The following NBAS variants were observed in gnomAD, a reference collection of about 807,000 sequenced individuals.
NBAS encodes NBAS subunit of NRZ tethering complex.
A neutral mutation model predicts 302.5 loss-of-function variants in NBAS; 219 were observed. The observed-to-expected ratio is 0.72, with a 90% CI of 0.65 to 0.81. The LOEUF is 0.81. Among genes scored for constraint, NBAS ranks in the 30% least tolerant of loss-of-function variants. The probability of loss-of-function intolerance (pLI) is 0.00; values close to 1 mark genes in which losing one functional copy is unlikely to be tolerated. For missense variants in NBAS, 2,932 were observed against 2,841.6 expected, an observed-to-expected ratio of 1.03 and a Z score of -0.72; for synonymous variants, 1,118 against 1,021.6, an observed-to-expected ratio of 1.09 and a Z score of -1.80.
At chr2:14,790,648 C>CT in the NBAS span, among the ~76,000 whole-genome samples, 15 of 137,086 alleles carry the variant, frequency 1.1e-4, no homozygotes, top group African/African-American at 4.6e-4. Flanking sequence ...AGAATTCATG[C>CT]CTTTTTTTTT....
At chr2:14,806,109 G>A in the NBAS span, among the ~76,000 whole-genome samples, 1 of 152,200 alleles carries the variant, frequency 6.6e-6, no homozygotes, top group Non-Finnish European at 1.5e-5. Flanking sequence ...AAACACATAT[G>A]GGTTTCCCCT....
the NBAS span, among the ~76,000 whole-genome samples, chr2:15,087,178 C>T: frequency 1.0e-4 from 15 of 150,542 alleles, no homozygotes; most frequent in African/African-American, 3.7e-4. Flanking sequence ...TGGGACTAGC[C>T]AGCCTCCATA....
At chr2:15,341,910 T>C (rs1437219971) in intron 35 of NBAS, among the ~76,000 whole-genome samples, 1 of 152,172 alleles carries the variant, frequency 6.6e-6, no homozygotes, top group African/African-American at 2.4e-5. Context: ...GTTGGCACTG[T>C]GTTACCATCC....
At chr2:15,229,997 A>G (rs1667313519) in intron 47 of NBAS, among the ~76,000 whole-genome samples, 2 of 152,242 alleles carry the variant, frequency 1.3e-5, no homozygotes, top group East Asian at 1.9e-4. Context: ...CTGAAGATGT[A>G]TATGAGTGAG....
intron 38 of NBAS, among the ~76,000 whole-genome samples, chr2:15,311,057 G>T (rs1463393839): frequency 6.6e-6 from 1 of 152,172 alleles, no homozygotes; most frequent in Non-Finnish European, 1.5e-5. Flanking sequence ...ACATAATTTT[G>T]AGTTCCAGAA....
chr2:15,139,137 C>T, the NBAS span, among the ~76,000 whole-genome samples: 4 of 152,160 alleles, frequency 2.6e-5, no homozygotes, highest in Non-Finnish European at 5.9e-5. Context: ...AGGGAGGCTC[C>T]AACCCCAGAC....
chr2:15,203,240 C>T (rs1405538156), intron 48 of NBAS, among the ~76,000 whole-genome samples: 1 of 152,100 alleles, frequency 6.6e-6, no homozygotes, highest in Admixed American at 6.5e-5. Flanking sequence ...ATCATTCTGT[C>T]ATACTTTAGC....
Position 15,294,278 on chromosome 2 carries a change from G to C in NBAS, c.4798-1512C>G, listed in dbSNP as rs535874377. On this transcript the variant is annotated intron_variant, in intron 40 of 51. Coordinates refer to ENST00000281513, the MANE Select transcript of NBAS (RefSeq NM_015909.4). ...ACTCAGGTACCATACCAGTAATAAC[G>C]AGGGCAGCAAAAAACAGGGAGACAA... is the stretch of plus-strand genomic sequence containing the variant. 2.6e-5 allele frequency among the ~76,000 whole-genome samples: 4 copies of C among 152,228 alleles called. No homozygotes were observed. The South Asian group carries it at 8.3e-4, about 32-fold the overall frequency.
chr2:15,285,569 C>T (rs970939027), intron 42 of NBAS, among the ~76,000 whole-genome samples: 2 of 152,196 alleles, frequency 1.3e-5, no homozygotes, highest in African/African-American at 4.8e-5. Flanking sequence ...TCCATTTGAA[C>T]CCCAGATCTG....
At chr2:14,868,491 C>T in the NBAS span, among the ~76,000 whole-genome samples, 1 of 152,126 alleles carries the variant, frequency 6.6e-6, no homozygotes, top group Admixed American at 6.5e-5. Context: ...ACTCATGTAA[C>T]TGGTACATGG....
At chr2:15,093,522 G>A in the NBAS span, among the ~76,000 whole-genome samples, 1 of 152,212 alleles carries the variant, frequency 6.6e-6, no homozygotes, top group Non-Finnish European at 1.5e-5. Context: ...AATTGGTGCA[G>A]ATTCTGCAAA....
At chr2:15,305,513 G>A (rs932554259) in intron 40 of NBAS, among the ~76,000 whole-genome samples, 10 of 147,038 alleles carry the variant, frequency 6.8e-5, no homozygotes, top group Non-Finnish European at 1.3e-4. Context: ...GTGCAACGGC[G>A]CGATCTCAGC....
chr2:14,938,995 C>A, the NBAS span, among the ~76,000 whole-genome samples: 1 of 152,208 alleles, frequency 6.6e-6, no homozygotes, highest in African/African-American at 2.4e-5. Flanking sequence ...GACACCTACC[C>A]AAACAAGCTC....
chr2:15,244,220 T>G (rs1667987952), intron 44 of NBAS, among the ~76,000 whole-genome samples: 1 of 152,168 alleles, frequency 6.6e-6, no homozygotes, highest in Admixed American at 6.5e-5. Context: ...TCTGAGATAG[T>G]GATGCTGCCC....
chr2:15,024,129 C>T, the NBAS span, among the ~76,000 whole-genome samples: 116,852 of 151,716 alleles, frequency 0.77, 45,268 homozygotes, highest in East Asian at 1. Context: ...CTCCCACCCT[C>T]CTTTCTCCAG....
At chr2:14,841,500 C>CA in the NBAS span, among the ~76,000 whole-genome samples, 791 of 122,012 alleles carry the variant, frequency 6.5e-3, 2 homozygotes, top group South Asian at 0.012. Context: ...CAACTGGAAA[C>CA]AAAAAAAAAA....
Position 15,186,799 on chromosome 2 carries a change from A to G in NBAS, c.6654T>C (p.Asn2218=). Residue 2218 remains asparagine (N), a synonymous_variant, in exon 50 of 52, where the codon AAT becomes AAC. Coordinates refer to ENST00000281513, the MANE Select transcript of NBAS (RefSeq NM_015909.4). The part of the protein sequence containing the change: ...CTMENKEGLG[N]EVLKMCRSLY... ...AAGAGCGACACATTTTCAAAACTTC[A>G]TTCCCCAATCCTTCCTTGTTCTCCA... The G allele has an allele frequency of 6.2e-7, 1 of 1,613,816 alleles. No homozygotes were observed. Among genetic ancestry groups the G allele is most frequent in the Admixed American group, 1.7e-5 (1 of 59,982 alleles).
downstream of NBAS, chr2:15,166,790 T>C (rs1208722993): frequency 3.2e-5 from 14 of 431,386 alleles, no homozygotes; most frequent in East Asian, 4.8e-4. Context: ...CTGAATTCTA[T>C]CCAGAAAAGG....
chr2:14,836,028 G>A, the NBAS span, among the ~76,000 whole-genome samples: 1 of 151,914 alleles, frequency 6.6e-6, no homozygotes, highest in Non-Finnish European at 1.5e-5. Flanking sequence ...GGATATCACT[G>A]TGGCATAAAG....
Sources: gnomAD v4.1 joint callset for allele counts (sites outside exome capture counted in the v4.1 genomes callset) on GRCh38, gnomAD v4.1.1 for gene constraint, MANE v1.5 for transcripts, NCBI Gene and HGNC (gene_info 2026-07-23, HGNC 2026-07-21) for gene names.